The following FEZ2 variants were observed in gnomAD, a reference collection of about 807,000 sequenced individuals.
FEZ2 encodes fasciculation and elongation protein zeta 2.
In FEZ2, 51 loss-of-function variants were observed where a neutral mutation model predicts 40.4. The ratio of observed to expected loss-of-function variants is 1.26; its 90% CI spans 1.01 to 1.59. The LOEUF (loss-of-function observed/expected upper bound fraction) is 1.59, where lower values mean the gene tolerates loss of function less well. Among genes scored for constraint, FEZ2 ranks in the 40% most tolerant of loss-of-function variants. The pLI is 0.00. For missense variants in FEZ2, 640 were observed against 438.3 expected, an observed-to-expected ratio of 1.46 and a Z score of -4.11; for synonymous variants, 242 against 172.0, an observed-to-expected ratio of 1.41 and a Z score of -3.18.
intron 7 of FEZ2, among the ~76,000 whole-genome samples, chr2:36,554,580 T>C (rs1242316060): frequency 6.6e-6 from 1 of 152,164 alleles, no homozygotes; most frequent in Non-Finnish European, 1.5e-5. Context: ...CAGAATTTTA[T>C]AGGGAGAAAA....
intron 5 of FEZ2, among the ~76,000 whole-genome samples, chr2:36,569,418 C>T (rs1028559217): frequency 1.3e-5 from 2 of 150,982 alleles, no homozygotes; most frequent in Admixed American, 1.3e-4. Flanking sequence ...GCTGATAGGA[C>T]TGAAAACAAC....
At chr2:36,559,617 T>C (rs1668040214) in intron 5 of FEZ2, among the ~76,000 whole-genome samples, 1 of 152,218 alleles carries the variant, frequency 6.6e-6, no homozygotes, top group Non-Finnish European at 1.5e-5. Context: ...TGCCCAATTG[T>C]ATAATCGAAT....
chr2:36,567,125 T>C (rs919504544), intron 5 of FEZ2, among the ~76,000 whole-genome samples: 9 of 152,146 alleles, frequency 5.9e-5, no homozygotes, highest in Non-Finnish European at 1.2e-4. Context: ...GCAGCTTGCA[T>C]AGTGCCTGGG....
chr2:36,570,945 T>C lies in FEZ2; in HGVS notation c.903+7652A>G, dbSNP rs558285681. 4.6e-5 allele frequency among the ~76,000 whole-genome samples: 7 copies of C among 152,302 alleles called. No homozygotes were observed. The South Asian group carries it at 1.5e-3, about 32-fold the overall frequency. ...ACATTACAGCTTTTATGTGAACTTG[T>C]TTATATTAACAATGACCTCTCTAAC... On this transcript the variant is annotated intron_variant, in intron 5 of 7. Coordinates refer to ENST00000405912, the MANE Select transcript of FEZ2 (RefSeq NM_005102.3).
intron 6 of FEZ2, chr2:36,557,545 C>T (rs989198298): frequency 3.3e-5 from 5 of 152,016 alleles, no homozygotes; most frequent in Non-Finnish European, 7.4e-5. Flanking sequence ...ATTTGGTTCC[C>T]CCCTAATTAG....
At chr2:36,578,967 C>A in intron 4 of FEZ2, 102 bp from the exon 5 acceptor site, 1 of 937,772 alleles carries the variant, frequency 1.1e-6, no homozygotes, top group South Asian at 1.6e-5. Context: ...CCTATGTAAT[C>A]AATGCCAAAG....
At position 36,552,924 on chromosome 2, in the gene FEZ2, TAAGAG is replaced by T. The variant is rs1667855963; in HGVS notation, c.*234_*238del. On this transcript the variant is annotated 3_prime_UTR_variant, in exon 8 of 8. Coordinates refer to ENST00000405912, the MANE Select transcript of FEZ2 (RefSeq NM_005102.3). ...TTAATATTACTCTCTCTTAATCTAC[TAAGAG>T]AACAGTTTATTAGTAGATTTAACAA... 1.9e-6 allele frequency: 1 copy of T among 514,544 alleles called. No individual in the cohort carries two copies. Among genetic ancestry groups the T allele is most frequent in the South Asian group, 3.2e-5 (1 of 31,094 alleles). 31.9% of individuals were successfully genotyped at this position (514,544 alleles called of 1,614,324 possible). A position where few individuals can be genotyped will look rare whatever the true frequency, so the allele number is the denominator to read the frequency against.
intron 3 of FEZ2, among the ~76,000 whole-genome samples, chr2:36,582,967 T>C (rs1269474226): frequency 6.6e-6 from 1 of 152,226 alleles, no homozygotes; most frequent in Non-Finnish European, 1.5e-5. Context: ...TAATACATGC[T>C]AATGCTTTTT....
chr2:36,555,860 C>G, intron 6 of FEZ2, 112 bp from the exon 7 acceptor site: 1 of 683,738 alleles, frequency 1.5e-6, no homozygotes. Context: ...ATATAACTGA[C>G]TCATACAAAT....
In FEZ2 at chr2:36,597,997, G is replaced by A; in HGVS notation, c.146C>T (p.Ala49Val). 6.7e-7 allele frequency: 1 copy of A among 1,493,822 alleles called. No individual in the cohort carries two copies. The highest frequency in any genetic ancestry group is 8.9e-7 in the Non-Finnish European group (1 of 1,127,502). The allele number at this position is 1,493,822 out of a possible 1,614,324, so 92.5% of individuals were successfully genotyped here. The change falls in exon 1 of 8, where the codon GCC becomes GTC. Residue 49 changes from alanine (A) to valine (V), a missense_variant. Ala to Val is a moderately conservative substitution (Grantham distance 64). Transcript: ENST00000405912. The part of the protein sequence containing the change: ...EAGGGADGFP[A>V]PACSLEEKLS... ...CTTCTCCTCCAAGCTGCAGGCCGGG[G>A]CCGGGAAACCGTCGGCGCCCCCACC...
intron 5 of FEZ2, among the ~76,000 whole-genome samples, chr2:36,574,806 C>G (rs566416548): frequency 6.6e-5 from 10 of 152,306 alleles, no homozygotes; most frequent in Admixed American, 3.3e-4. Flanking sequence ...TGCCCTTTAA[C>G]CACTCTCTAA....
At chr2:36,558,190 C>G (rs1668001933) in intron 6 of FEZ2, 2 of 290,226 alleles carry the variant, frequency 6.9e-6, no homozygotes, top group African/African-American at 4.3e-5. Flanking sequence ...TGCTTTTTCC[C>G]AAAATTTTAG....
chr2:36,584,048 C>T (rs943009866), intron 2 of FEZ2: 2 of 152,464 alleles, frequency 1.3e-5, no homozygotes, highest in African/African-American at 2.4e-5. Flanking sequence ...CATCTTCCAC[C>T]CTGCTCTGCG....
intron 1 of FEZ2, among the ~76,000 whole-genome samples, chr2:36,593,487 A>G (rs781026418): frequency 4.6e-5 from 7 of 152,250 alleles, no homozygotes; most frequent in Non-Finnish European, 7.3e-5. Context: ...CCAAACCTCA[A>G]TTCTTGACTT....
intron 4 of FEZ2, among the ~76,000 whole-genome samples, chr2:36,579,497 T>C (rs1443783135): frequency 4.6e-5 from 7 of 152,112 alleles, no homozygotes; most frequent in African/African-American, 1.7e-4. Context: ...CCTGGTGCTG[T>C]TCTCATGACA....
intron 5 of FEZ2, among the ~76,000 whole-genome samples, chr2:36,564,830 A>C (rs1668188850): frequency 1.3e-5 from 2 of 152,194 alleles, no homozygotes; most frequent in Admixed American, 6.5e-5. Flanking sequence ...ATGGGATGGA[A>C]CACAGCATCT....
Position 36,579,557 on chromosome 2 carries a change from C to T in FEZ2, c.635-692G>A, listed in dbSNP as rs576935822. Among the ~76,000 whole-genome samples the T allele has an allele frequency of 7.9e-5, 12 of 152,168 alleles. No individual in the cohort carries two copies. In the South Asian group the frequency reaches 2.5e-3, roughly 32 times the overall value. On this transcript the variant is annotated intron_variant, in intron 4 of 7. Coordinates refer to ENST00000405912, the MANE Select transcript of FEZ2 (RefSeq NM_005102.3). ...TAAAAGTGTGTGGCACTCCCCCCAG[C>T]CCCCTTCCTCCTGCTCCAGCCATGT...
chr2:36,583,315 G>T, intron 3 of FEZ2, 38 bp downstream of exon 3: 1 of 1,031,300 alleles, frequency 9.7e-7, no homozygotes, highest in South Asian at 1.5e-5. Context: ...CAGCTCTAGA[G>T]TCTCCTTTCC....
chr2:36,562,932 CAAATTCAT>C (rs1668130923), intron 5 of FEZ2, among the ~76,000 whole-genome samples: 1 of 152,110 alleles, frequency 6.6e-6, no homozygotes, highest in African/African-American at 2.4e-5. Flanking sequence ...AAGCTAGATA[CAAATTCAT>C]AAAATCTAAA....
Sources: allele counts gnomAD v4.1 joint callset (sites outside exome capture counted in the v4.1 genomes callset), GRCh38; gene constraint gnomAD v4.1.1; transcripts MANE v1.5; gene names NCBI Gene and HGNC (gene_info 2026-07-23, HGNC 2026-07-21).